ZBTB10: variants seen among roughly 807,000 people sequenced by gnomAD.
ZBTB10 encodes the protein zinc finger and BTB domain containing 10, also known as zinc finger and BTB domain-containing protein 10.
ZBTB10 carries 32 observed loss-of-function variants against 76.4 expected under a neutral mutation model. That is an observed-to-expected ratio of 0.42 (90% CI 0.32 to 0.56). The LOEUF (loss-of-function observed/expected upper bound fraction) is 0.56, where lower values mean the gene tolerates loss of function less well. Among genes scored for constraint, ZBTB10 ranks in the 20% least tolerant of loss-of-function variants. The pLI, the probability that ZBTB10 is intolerant of heterozygous loss-of-function variation, is 0.14. For synonymous variants in ZBTB10, 523 were observed against 432.9 expected, an observed-to-expected ratio of 1.21 and a Z score of -2.58; for missense variants, 1,057 against 1,098.5, an observed-to-expected ratio of 0.96 and a Z score of 0.53.
At chr8:80,485,902 G>A (rs964735329), upstream of ZBTB10, 22 of 1,533,984 alleles carry the variant, frequency 1.4e-5, no homozygotes, top group Admixed American at 7.9e-5. Context: ...GGGCAGCGGG[G>A]AGGCGGCCAG....
In ZBTB10 at chr8:80,517,795, C is replaced by T. The variant is rs1816362593; in HGVS notation, c.1961-608C>T. Among the ~76,000 whole-genome samples the T allele has an allele frequency of 2.0e-5, 3 of 150,882 alleles. No homozygotes were observed. In the South Asian group the frequency reaches 6.3e-4, roughly 32 times the overall value. On this transcript the variant is annotated intron_variant, in intron 3 of 5. Coordinates refer to ENST00000455036, the MANE Select transcript of ZBTB10 (RefSeq NM_001105539.3). ...TTAGGAGTTCTGGTTTGAATATACC[C>T]ATCCTTTAAAAGGGTAATTTCTTGT...
intron 2 of ZBTB10, among the ~76,000 whole-genome samples, chr8:80,506,848 A>G (rs767339068): frequency 1.3e-5 from 2 of 151,910 alleles, no homozygotes; most frequent in Non-Finnish European, 2.9e-5. Flanking sequence ...GTGTTTTGCT[A>G]AACCTCTTAG....
chr8:80,485,650 G>A, upstream of ZBTB10: 1 of 701,090 alleles, frequency 1.4e-6, no homozygotes, highest in Non-Finnish European at 2.3e-6. Flanking sequence ...CCGAGGTGCT[G>A]CCTCGCACAA....
chr8:80,489,615 A>G (rs1420129048), intron 1 of ZBTB10, among the ~76,000 whole-genome samples: 1 of 152,214 alleles, frequency 6.6e-6, no homozygotes, highest in Admixed American at 6.5e-5. Flanking sequence ...ACCTTAAGGT[A>G]GCCTCAGCTT....
Position 80,510,639 on chromosome 8 carries a change from A to AGTGTGTGT in ZBTB10, c.1862-3238_1862-3231dup, listed in dbSNP as rs58749656. Reference sequence around the variant, plus strand: ...AAAATAGCCGTCATTTTGTGAAACCAGTGTGTGTGTGTGTGTGTGTGTGTG... The same window carrying AGTGTGTGT: ...AAAATAGCCGTCATTTTGTGAAACCAGTGTGTGTGTGTGTGTGTGTGTGTGTGTGTGTG... On this transcript the variant is annotated intron_variant, in intron 2 of 5. Coordinates refer to ENST00000455036, the MANE Select transcript of ZBTB10 (RefSeq NM_001105539.3). Among the ~76,000 whole-genome samples, 255 of 125,770 alleles carry AGTGTGTGT rather than the reference A, an allele frequency of 2.0e-3. 5 individuals are homozygous for AGTGTGTGT. Among genetic ancestry groups the AGTGTGTGT allele is most frequent in the East Asian group, 0.019 (94 of 4,840 alleles). 82.5% of individuals were successfully genotyped at this position (125,770 alleles called of 152,430 possible). A position where few individuals can be genotyped will look rare whatever the true frequency, so the allele number is the denominator to read the frequency against.
At chr8:80,510,843 G>A (rs1043886190) in intron 2 of ZBTB10, among the ~76,000 whole-genome samples, 1 of 152,154 alleles carries the variant, frequency 6.6e-6, no homozygotes, top group African/African-American at 2.4e-5. Flanking sequence ...ACAAAAGCAG[G>A]TGTATTAGAG....
upstream of ZBTB10, chr8:80,485,712 C>T (rs73257147): frequency 1.1e-3 from 1,600 of 1,414,032 alleles, 16 homozygotes; most frequent in African/African-American, 0.018. Context: ...GTGAAAGGCA[C>T]CGCCTGGTCC....
At chr8:80,511,629 C>T (rs191107223) in intron 2 of ZBTB10, among the ~76,000 whole-genome samples, 1 of 152,288 alleles carries the variant, frequency 6.6e-6, no homozygotes, top group East Asian at 1.9e-4. Context: ...CTAGGACTAG[C>T]ACATGCCTGG....
chr8:80,491,068 A>G (rs1166984849), intron 1 of ZBTB10, among the ~76,000 whole-genome samples: 2 of 152,196 alleles, frequency 1.3e-5, no homozygotes, highest in South Asian at 2.1e-4. Context: ...TACGGTGCTC[A>G]TAAAATCTAC....
At position 80,523,194 on chromosome 8, in the gene ZBTB10, A is replaced by C. The variant is rs1401400005; in HGVS notation, c.*3666A>C. On this transcript the variant is annotated 3_prime_UTR_variant, in exon 6 of 6. Coordinates refer to ENST00000455036, the MANE Select transcript of ZBTB10 (RefSeq NM_001105539.3). ...TTAACACAGCTGTGACAGAGCTCGA[A>C]TTTGACCACGTCTGATTCTGAAGCC... The C allele has an allele frequency of 6.6e-6, 1 of 151,974 alleles. No individual in the cohort carries two copies. The highest frequency in any genetic ancestry group is 1.9e-4 in the East Asian group (1 of 5,186). 9.4% of individuals were successfully genotyped at this position (151,974 alleles called of 1,614,324 possible).
At position 80,525,308 on chromosome 8, in the gene ZBTB10, T is replaced by C. The variant is rs1816539967; in HGVS notation, c.*5780T>C. ...GAACTATAGAAATCTATTCAGCTAA[T>C]TAAAGTGAATGAAAAATATTACAGA... On this transcript the variant is annotated 3_prime_UTR_variant, in exon 6 of 6. Transcript: ENST00000455036. The C allele has an allele frequency of 6.6e-6, 1 of 152,150 alleles. No individual in the cohort carries two copies. The highest frequency in any genetic ancestry group is 6.6e-5 in the Admixed American group (1 of 15,254). The allele number at this position is 152,150 out of a possible 1,614,324, so 9.4% of individuals were successfully genotyped here. A position where few individuals can be genotyped will look rare whatever the true frequency, so the allele number is the denominator to read the frequency against.
intron 2 of ZBTB10, among the ~76,000 whole-genome samples, chr8:80,503,337 ATAGATGG>A (rs1815971777): frequency 6.6e-6 from 1 of 152,156 alleles, no homozygotes; most frequent in Non-Finnish European, 1.5e-5. Flanking sequence ...CAAATGCCAG[ATAGATGG>A]TCTTAGCCTC....
chr8:80,493,207 G>GCGCACACACACACACACA (rs375071529), intron 1 of ZBTB10, among the ~76,000 whole-genome samples: 15 of 125,242 alleles, frequency 1.2e-4, no homozygotes, highest in South Asian at 2.9e-4. Flanking sequence ...GCGCGCGCGC[G>GCGCACACACACACACACA]CACACACACA....
chr8:80,498,824 C>T (rs931668549), intron 1 of ZBTB10, among the ~76,000 whole-genome samples: 8 of 152,170 alleles, frequency 5.3e-5, no homozygotes, highest in African/African-American at 1.9e-4. Flanking sequence ...ATTTTGAATT[C>T]AGGAATTTTA....
chr8:80,502,230 A>T (rs1815942012), intron 2 of ZBTB10, among the ~76,000 whole-genome samples: 2 of 152,096 alleles, frequency 1.3e-5, no homozygotes, highest in African/African-American at 4.8e-5. Flanking sequence ...TTTATCTCTT[A>T]CATCTGTTTT....
Position 80,520,163 on chromosome 8 carries a change from A to T in ZBTB10, c.*635A>T, listed in dbSNP as rs1816420430. 1 of 152,474 alleles carries T rather than the reference A, an allele frequency of 6.6e-6. No homozygotes were observed. The highest frequency in any genetic ancestry group is 1.5e-5 in the Non-Finnish European group (1 of 67,976). 9.4% of individuals were successfully genotyped at this position (152,474 alleles called of 1,614,324 possible). Reference sequence around the variant, plus strand: ...TTTATAAGAACTGGAGAGGTAATTTATTGGAATGAACTAACTGACTTCCTC... The same window carrying T: ...TTTATAAGAACTGGAGAGGTAATTTTTTGGAATGAACTAACTGACTTCCTC... On this transcript the variant is annotated 3_prime_UTR_variant, in exon 6 of 6. Coordinates refer to ENST00000455036, the MANE Select transcript of ZBTB10 (RefSeq NM_001105539.3).
At chr8:80,514,614 C>A (rs1228056785) in intron 3 of ZBTB10, among the ~76,000 whole-genome samples, 3 of 152,138 alleles carry the variant, frequency 2.0e-5, no homozygotes, top group Admixed American at 6.5e-5. Context: ...TGGGCTTGTC[C>A]CCCTATGATT....
chr8:80,518,727 G>A, intron 4 of ZBTB10, 55 bp from the exon 5 acceptor site: 1 of 1,520,514 alleles, frequency 6.6e-7, no homozygotes, highest in Admixed American at 2.3e-5. Context: ...AGTTTTGATA[G>A]CAAGTTTTCT....
At chr8:80,492,511 A>G (rs1815657238) in intron 1 of ZBTB10, among the ~76,000 whole-genome samples, 1 of 151,610 alleles carries the variant, frequency 6.6e-6, no homozygotes, top group Non-Finnish European at 1.5e-5. Context: ...ATGGGGTCTC[A>G]CTTGTCACCC....
Sources: allele counts gnomAD v4.1 joint callset (sites outside exome capture counted in the v4.1 genomes callset), GRCh38; gene constraint gnomAD v4.1.1; transcripts MANE v1.5; gene names NCBI Gene and HGNC (gene_info 2026-07-23, HGNC 2026-07-21).